Variants in EFL1 observed in about 807,000 individuals in gnomAD.
EFL1 encodes the protein elongation factor-like GTPase 1.
A neutral mutation model predicts 126.7 loss-of-function variants in EFL1; 76 were observed. That is an observed-to-expected ratio of 0.60 (90% CI 0.50 to 0.73). EFL1 has a LOEUF of 0.73. Ranked by LOEUF, EFL1 falls within the 30% of genes least tolerant of loss-of-function variation. The pLI, the probability that EFL1 is intolerant of heterozygous loss-of-function variation, is 0.00. For missense variants in EFL1, 1,128 were observed against 1,343.2 expected (o/e 0.84, Z 2.50); for synonymous variants, 410 against 448.4 (o/e 0.91, Z 1.08).
At chr15:82,192,998 TTTGACACTTCTTTA>T (rs2074374806) in intron 15 of EFL1, among the ~76,000 whole-genome samples, 1 of 152,200 alleles carries the variant, frequency 6.6e-6, no homozygotes, top group African/African-American at 2.4e-5. Flanking sequence ...AGACTGTTAT[TTTGACACTTCTTTA>T]TTGTCTGGAT....
intron 4 of EFL1, among the ~76,000 whole-genome samples, chr15:82,244,950 A>G (rs1335069128): frequency 2.0e-5 from 3 of 152,168 alleles, no homozygotes; most frequent in African/African-American, 7.3e-5. Flanking sequence ...ACCTCCTGAA[A>G]GTGTCCTTTA....
At position 82,151,633 on chromosome 15, in the gene EFL1, T is replaced by C. The variant is rs1001738375; in HGVS notation, c.2821A>G (p.Arg941Gly). The C allele has an allele frequency of 1.2e-6, 2 of 1,614,076 alleles. No homozygotes were observed. Among genetic ancestry groups the C allele is most frequent in the Admixed American group, 1.7e-5 (1 of 60,008 alleles). Residue 941 changes from arginine to glycine, a missense_variant, in exon 18 of 20, where the codon AGG becomes GGG. Around this residue, in one of 6 missense-constraint regions of EFL1, gnomAD observed 561 missense variants for 641.7 expected, o/e 0.87. Transcript: ENST00000268206. ...QDGCSEAFEKRTSQKGESPLT... is the reference protein window; with the variant it reads ...QDGCSEAFEKGTSQKGESPLT... ...GGAGATTCTCCTTTCTGTGATGTCCTCTTCTCAAAGGCCTCAGAGCAGCCA... is the reference window on the plus strand; with the variant it reads ...GGAGATTCTCCTTTCTGTGATGTCCCCTTCTCAAAGGCCTCAGAGCAGCCA...
At chr15:82,185,094 T>C (rs1163897041) in intron 15 of EFL1, among the ~76,000 whole-genome samples, 2 of 151,844 alleles carry the variant, frequency 1.3e-5, no homozygotes, top group Non-Finnish European at 2.9e-5. Flanking sequence ...TTTTGACTAT[T>C]TACAAATGAA....
chr15:82,257,116 T>C (rs1478850767), intron 3 of EFL1, among the ~76,000 whole-genome samples: 1 of 152,198 alleles, frequency 6.6e-6, no homozygotes, highest in African/African-American at 2.4e-5. Context: ...GGAAAGATTT[T>C]TGCCAGCCAA....
At chr15:82,202,855 A>G (rs2074485167) in intron 15 of EFL1, among the ~76,000 whole-genome samples, 1 of 149,646 alleles carries the variant, frequency 6.7e-6, no homozygotes. Flanking sequence ...TCTGTCGTCC[A>G]GGCTGAAGTA....
intron 16 of EFL1, among the ~76,000 whole-genome samples, chr15:82,162,458 T>C (rs955378465): frequency 9.9e-5 from 15 of 152,174 alleles, no homozygotes; most frequent in Non-Finnish European, 2.2e-4. Flanking sequence ...AACTGAGCTT[T>C]CTTGTATGTA....
intron 12 of EFL1, among the ~76,000 whole-genome samples, chr15:82,221,968 TC>T: frequency 6.6e-6 from 1 of 152,342 alleles, no homozygotes; most frequent in East Asian, 1.9e-4. Context: ...TTCTAGCCGT[TC>T]CTTCAACCAA....
At chr15:82,221,615 C>T (rs1165568687) in intron 12 of EFL1, among the ~76,000 whole-genome samples, 3 of 152,110 alleles carry the variant, frequency 2.0e-5, no homozygotes, top group Non-Finnish European at 4.4e-5. Flanking sequence ...TAGGCCCTTC[C>T]ACTCACACCC....
At chr15:82,145,358 G>A (rs986043661) in intron 18 of EFL1, among the ~76,000 whole-genome samples, 2 of 150,416 alleles carry the variant, frequency 1.3e-5, no homozygotes, top group African/African-American at 2.5e-5. Context: ...TTTCTGATAC[G>A]TTAAAGTACA....
intron 6 of EFL1, among the ~76,000 whole-genome samples, chr15:82,239,732 T>C (rs1195958053): frequency 1.3e-5 from 2 of 152,224 alleles, no homozygotes; most frequent in Non-Finnish European, 2.9e-5. Context: ...TTTTCTTGCC[T>C]TTATGACTTT....
chr15:82,248,960 G>A (rs2074996803), intron 4 of EFL1, among the ~76,000 whole-genome samples: 1 of 152,078 alleles, frequency 6.6e-6, no homozygotes, highest in Non-Finnish European at 1.5e-5. Context: ...ACAGGTGTTA[G>A]AATAAGTAAG....
intron 4 of EFL1, among the ~76,000 whole-genome samples, chr15:82,247,430 G>A (rs1044513693): frequency 6.6e-6 from 1 of 152,084 alleles, no homozygotes; most frequent in Non-Finnish European, 1.5e-5. Flanking sequence ...ATTCACTAAT[G>A]AACAGGAACC....
At chr15:82,224,967 A>C (rs1335209363) in intron 12 of EFL1, among the ~76,000 whole-genome samples, 198 bp downstream of exon 12, 1 of 152,232 alleles carries the variant, frequency 6.6e-6, no homozygotes, top group Non-Finnish European at 1.5e-5. Flanking sequence ...AGCTGATTTC[A>C]ACAACTTTCT....
Position 82,229,090 on chromosome 15 carries a change from T to C in EFL1, c.876A>G (p.Leu292=), listed in dbSNP as rs2074794367. ...TATTTTCCAGGATCAACTGTACAAA[T>C]AAAGGTTTCTTTCCTTTGGCCTGTA... ...KGDQAKGKKP[L]FVQLILENIW... Residue 292 remains leucine (L), a synonymous_variant, in exon 9 of 20, where the codon TTA becomes TTG. Transcript: ENST00000268206. 1.2e-6 allele frequency: 2 copies of C among 1,611,310 alleles called. No homozygotes were observed. Among genetic ancestry groups the C allele is most frequent in the Non-Finnish European group, 8.5e-7 (1 of 1,179,450 alleles).
In EFL1 at chr15:82,149,188, G is replaced by C. The variant is rs116299279; in HGVS notation, c.2989+2277C>G. ...CATTAAAATTTTTCTCCTGTTTACT[G>C]TTGTAATGCTAATTATGTTATATAA... On this transcript the variant is annotated intron_variant, in intron 18 of 19. Coordinates refer to ENST00000268206, the MANE Select transcript of EFL1 (RefSeq NM_024580.6). 6.4e-4 allele frequency among the ~76,000 whole-genome samples: 97 copies of C among 152,090 alleles called. 1 individual carries two copies. Among genetic ancestry groups the C allele is most frequent in the African/African-American group, 2.3e-3 (95 of 41,478 alleles).
intron 14 of EFL1, 91 bp from the exon 15 acceptor site, chr15:82,214,946 T>C (rs1277598064): frequency 1.2e-5 from 16 of 1,345,300 alleles, no homozygotes; most frequent in African/African-American, 5.9e-5. Flanking sequence ...ATCAGTAAGA[T>C]ATGGTATAGC....
At chr15:82,179,170 A>G (rs1434189849) in intron 15 of EFL1, among the ~76,000 whole-genome samples, 1 of 151,948 alleles carries the variant, frequency 6.6e-6, no homozygotes, top group Non-Finnish European at 1.5e-5. Context: ...TAAAAAAAAG[A>G]ATGGCTCATT....
chr15:82,178,627 T>C (rs955086136), intron 15 of EFL1, among the ~76,000 whole-genome samples: 3 of 152,218 alleles, frequency 2.0e-5, no homozygotes, highest in African/African-American at 7.2e-5. Flanking sequence ...AGGCAGCACA[T>C]CATTCCTCCC....
chr15:82,219,672 G>C lies in EFL1; in HGVS notation c.1591C>G (p.Pro531Ala). Residue 531 changes from proline to alanine, a missense_variant, in exon 14 of 20, where the codon CCT (proline) becomes GCT (alanine). Physicochemically the swap from Pro to Ala is conservative, Grantham distance 27. Transcript: ENST00000268206. ...KIFVLGPKYS[P>A]LEFLRRVPLG... ...CTTACCCTTCGTAAAAACTCAAGAGGACTGTATTTGGGCCCCAAGACAAAA... is the reference window on the plus strand; with the variant it reads ...CTTACCCTTCGTAAAAACTCAAGAGCACTGTATTTGGGCCCCAAGACAAAA... The C allele has an allele frequency of 3.1e-6, 5 of 1,612,196 alleles. No individual in the cohort carries two copies. The highest frequency in any genetic ancestry group is 4.2e-6 in the Non-Finnish European group (5 of 1,179,372).
Sources: allele counts gnomAD v4.1 joint callset (sites outside exome capture counted in the v4.1 genomes callset), GRCh38; gene constraint gnomAD v4.1.1; regional missense constraint gnomAD v4.1.1; transcripts MANE v1.5; gene names NCBI Gene and HGNC (gene_info 2026-07-23, HGNC 2026-07-21).